MAGI3: variants seen among roughly 807,000 people sequenced by gnomAD.
MAGI3 encodes the protein membrane-associated guanylate kinase, WW and PDZ domain-containing protein 3.
Under a neutral mutation model 121.8 loss-of-function variants are expected in MAGI3, and 43 were observed. The observed-to-expected ratio is 0.35, with a 90% confidence interval of 0.28 to 0.46. The LOEUF is 0.46. Ranked by LOEUF, MAGI3 falls within the 20% of genes least tolerant of loss-of-function variation. The pLI, the probability that MAGI3 is intolerant of heterozygous loss-of-function variation, is 1.00. For synonymous variants in MAGI3, 553 were observed against 639.3 expected (o/e 0.86, Z 2.04); for missense variants, 1,547 against 1,797.3 (o/e 0.86, Z 2.52).
intron 1 of MAGI3, among the ~76,000 whole-genome samples, chr1:113,544,097 GT>G (rs1245249018): frequency 1.3e-5 from 2 of 152,108 alleles, no homozygotes; most frequent in Admixed American, 6.5e-5. Context: ...GAAAAGCATT[GT>G]AAATACTTTT....
intron 3 of MAGI3, among the ~76,000 whole-genome samples, chr1:113,582,427 G>T (rs967291062): frequency 2.6e-5 from 4 of 151,652 alleles, no homozygotes; most frequent in African/African-American, 9.7e-5. Flanking sequence ...CATAAAAATG[G>T]ACTGCTATAC....
At chr1:113,663,236 A>ATG (rs1653875661) in intron 16 of MAGI3, among the ~76,000 whole-genome samples, 1 of 9,976 alleles carries the variant, frequency 1.0e-4, no homozygotes, top group African/African-American at 1.0e-3. Context: ...AAAAACAGAA[A>ATG]TATATATATA....
At chr1:113,565,393 G>A (rs192549279) in intron 2 of MAGI3, among the ~76,000 whole-genome samples, 13 of 151,982 alleles carry the variant, frequency 8.6e-5, no homozygotes, top group Admixed American at 2.6e-4. Context: ...TGATTTTGCC[G>A]TTGAAATCTA....
rs192261815 is a variant in MAGI3, at chr1:113,482,189, C to T, written c.317-67326C>T. 2.0e-5 allele frequency among the ~76,000 whole-genome samples: 3 copies of T among 152,160 alleles called. No homozygotes were observed. In the East Asian group the frequency reaches 5.8e-4, roughly 29 times the overall value. ...TTCCTTAATTGTGATACTCAGAAGACAGGAGAGAGAGACTTTACTGTTGAT... is the reference window on the plus strand; with the variant it reads ...TTCCTTAATTGTGATACTCAGAAGATAGGAGAGAGAGACTTTACTGTTGAT... On this transcript the variant is annotated intron_variant, in intron 1 of 20. Coordinates refer to ENST00000307546, the MANE Select transcript of MAGI3 (RefSeq NM_001142782.2).
chr1:113,517,827 C>G (rs552346691), intron 1 of MAGI3, among the ~76,000 whole-genome samples: 1 of 152,072 alleles, frequency 6.6e-6, no homozygotes, highest in South Asian at 2.1e-4. Flanking sequence ...CATTCTCTGT[C>G]TTGTTCCACC....
chr1:113,639,440 C>T (rs958731343), intron 9 of MAGI3, among the ~76,000 whole-genome samples: 1 of 152,234 alleles, frequency 6.6e-6, no homozygotes, highest in African/African-American at 2.4e-5. Flanking sequence ...TCACTCTTGT[C>T]ATCCAGGCTG....
chr1:113,533,716 G>A (rs991650795), intron 1 of MAGI3, among the ~76,000 whole-genome samples: 1 of 151,682 alleles, frequency 6.6e-6, no homozygotes, highest in South Asian at 2.1e-4. Context: ...ATAACACACC[G>A]TGTCTTTCAT....
intron 6 of MAGI3, 33 bp downstream of exon 6, chr1:113,594,593 A>T: frequency 6.5e-7 from 1 of 1,543,926 alleles, no homozygotes; most frequent in Non-Finnish European, 8.9e-7. Context: ...TATCATACTT[A>T]TTCTCTTAAT....
intron 1 of MAGI3, among the ~76,000 whole-genome samples, chr1:113,470,397 C>T (rs1655486657): frequency 6.6e-6 from 1 of 152,130 alleles, no homozygotes. Context: ...GGAAAGCAAG[C>T]AGCTTTCAAA....
At position 113,584,966 on chromosome 1, in the gene MAGI3, C is replaced by CAATTTTTTTTTTTTTTTTTTT. The variant is rs61622151; in HGVS notation, c.554-421_554-420insAATTTTTTTTTTTTTTTTTTT. ...TCCTTTTGGCCAATGGTAGATATTTCCTTTTTTTTTTTTTTTTTTTTTTGA... is the reference window on the plus strand; with the variant it reads ...TCCTTTTGGCCAATGGTAGATATTTCAATTTTTTTTTTTTTTTTTTTCTTTTTTTTTTTTTTTTTTTTTTGA... On this transcript the variant is annotated intron_variant, in intron 3 of 20. Coordinates refer to ENST00000307546, the MANE Select transcript of MAGI3 (RefSeq NM_001142782.2). Among the ~76,000 whole-genome samples the CAATTTTTTTTTTTTTTTTTTT allele has an allele frequency of 9.0e-5, 10 of 110,730 alleles. 5 individuals carry two copies. Among genetic ancestry groups the CAATTTTTTTTTTTTTTTTTTT allele is most frequent in the Non-Finnish European group, 1.1e-4 (6 of 55,700 alleles). 72.6% of individuals were successfully genotyped at this position (110,730 alleles called of 152,430 possible).
chr1:113,680,361 G>C (rs766154570), intron 19 of MAGI3, among the ~76,000 whole-genome samples: 1 of 152,182 alleles, frequency 6.6e-6, no homozygotes. Flanking sequence ...GCTCTCCTGC[G>C]AGAGTTGATA....
intron 19 of MAGI3, among the ~76,000 whole-genome samples, chr1:113,680,374 A>T (rs548818253): frequency 6.6e-6 from 1 of 152,338 alleles, no homozygotes; most frequent in South Asian, 2.1e-4. Flanking sequence ...AGTTGATAAG[A>T]GGACAGATGG....
chr1:113,548,920 G>A (rs1381364916), intron 1 of MAGI3, among the ~76,000 whole-genome samples: 1 of 152,212 alleles, frequency 6.6e-6, no homozygotes, highest in South Asian at 2.1e-4. Context: ...AGTTGCTAAT[G>A]TGTTGGATCT....
chr1:113,525,868 G>A (rs987170316), intron 1 of MAGI3, among the ~76,000 whole-genome samples: 4 of 152,030 alleles, frequency 2.6e-5, no homozygotes, highest in African/African-American at 4.8e-5. Context: ...TGGATGTGGT[G>A]GCGCATGCCT....
rs541127024 is a variant in MAGI3 at position 113,638,557 on chromosome 1, C to A, written c.1361-3354C>A. ...CTGCACAGCAGCGGATTTTCGTGAA[C>A]CGTGAATGCTGCTGTCTGATCGTTC... is the stretch of plus-strand genomic sequence containing the variant. On this transcript the variant is annotated intron_variant, in intron 9 of 20. Coordinates refer to ENST00000307546, the MANE Select transcript of MAGI3 (RefSeq NM_001142782.2). Among the ~76,000 whole-genome samples the A allele has an allele frequency of 3.3e-5, 5 of 152,320 alleles. 1 individual carries two copies. In the East Asian group the frequency reaches 9.6e-4, roughly 29 times the overall value.
intron 2 of MAGI3, among the ~76,000 whole-genome samples, chr1:113,565,258 A>G (rs1660396728): frequency 6.6e-6 from 1 of 152,234 alleles, no homozygotes; most frequent in South Asian, 2.1e-4. Context: ...TTGCACTGAC[A>G]TTCATCAAAT....
At chr1:113,594,276 G>A (rs575528349) in intron 5 of MAGI3, among the ~76,000 whole-genome samples, 57 of 152,302 alleles carry the variant, frequency 3.7e-4, no homozygotes, top group African/African-American at 1.2e-3. Context: ...TCAAGTTAGT[G>A]CCTCTAGCAT....
In MAGI3 at chr1:113,651,028, T is replaced by C; in HGVS notation, c.2262T>C (p.Ala754=). Residue 754 remains alanine (A), a synonymous_variant, in exon 14 of 21, where the codon GCT becomes GCC. Transcript: ENST00000307546. ...TATCTTATCAGATATATATTGGGGC[T>C]ATTATTCCCCTGGGAGCAGCTGAGA... The part of the protein sequence containing the change: ...DGPDQSIYIG[A]IIPLGAAEKD... 2.5e-6 allele frequency: 4 copies of C among 1,614,060 alleles called. No individual in the cohort carries two copies. The highest frequency in any genetic ancestry group is 2.5e-6 in the Non-Finnish European group (3 of 1,179,954).
chr1:113,449,093 G>A (rs1468342485), intron 1 of MAGI3, among the ~76,000 whole-genome samples: 2 of 148,456 alleles, frequency 1.3e-5, no homozygotes, highest in South Asian at 2.1e-4. Context: ...ACTCCCCTGG[G>A]CAACAAGAGC....
Sources: gnomAD v4.1 joint callset for allele counts (sites outside exome capture counted in the v4.1 genomes callset) on GRCh38, gnomAD v4.1.1 for gene constraint, MANE v1.5 for transcripts, NCBI Gene and HGNC (gene_info 2026-07-23, HGNC 2026-07-21) for gene names.